HERC5: variants seen among roughly 807,000 people sequenced by gnomAD.
The protein encoded by HERC5 is HECT and RLD domain containing E3 ubiquitin protein ligase 5, also known as E3 ISG15--protein ligase HERC5.
A neutral mutation model predicts 119.6 loss-of-function variants in HERC5; 99 were observed. That is an observed-to-expected ratio of 0.83 (90% CI 0.70 to 0.98). The LOEUF is 0.98. Ranked by LOEUF, HERC5 falls within the 50% of genes least tolerant of loss-of-function variation. HERC5 has a pLI of 0.00. For missense variants in HERC5, 1,267 were observed against 1,241.3 expected (o/e 1.02, Z -0.31); for synonymous variants, 478 against 445.9 (o/e 1.07, Z -0.91).
At chr4:88,484,455 T>G (rs1188639553) in intron 13 of HERC5, among the ~76,000 whole-genome samples, 1 of 152,236 alleles carries the variant, frequency 6.6e-6, no homozygotes, top group Non-Finnish European at 1.5e-5. Flanking sequence ...ACCACCAGTT[T>G]GGTAGTACTT....
intron 6 of HERC5, among the ~76,000 whole-genome samples, chr4:88,466,001 A>G (rs1261934945): frequency 6.6e-6 from 1 of 151,646 alleles, no homozygotes; most frequent in East Asian, 1.9e-4. Context: ...TATTTTGGAG[A>G]CAGGGTACAG....
In HERC5 at chr4:88,459,624, C is replaced by T. The variant is rs189303265; in HGVS notation, c.389+154C>T. On this transcript the variant is annotated intron_variant, in intron 2 of 22. Transcript: ENST00000264350. ...CTGACCAGTAAAGTCCTTATGTCCC[C>T]CAGGGCAGGTATCATGTGTTGTTTT... Among the ~76,000 whole-genome samples, 57 of 152,200 alleles carry T rather than the reference C, an allele frequency of 3.7e-4. 1 individual carries two copies. The highest frequency in any genetic ancestry group is 3.6e-3 in the Admixed American group (55 of 15,288).
intron 22 of HERC5, among the ~76,000 whole-genome samples, chr4:88,505,379 A>G (rs1432656301): frequency 6.6e-6 from 1 of 152,192 alleles, no homozygotes; most frequent in African/African-American, 2.4e-5. Flanking sequence ...TTGACTCAGG[A>G]GGCACTTAAC....
chr4:88,469,528 C>G (rs117571651), intron 9 of HERC5, among the ~76,000 whole-genome samples: 3 of 152,088 alleles, frequency 2.0e-5, no homozygotes, highest in Non-Finnish European at 4.4e-5. Context: ...GTAGGGCAGG[C>G]CAGCAGGCTG....
At chr4:88,475,772 A>G in intron 11 of HERC5, 69 bp from the exon 12 acceptor site, 1 of 1,274,682 alleles carries the variant, frequency 7.8e-7, no homozygotes, top group East Asian at 2.3e-5. Context: ...ACCTTGTTTT[A>G]TTACCATCAG....
At chr4:88,494,431 C>T in intron 18 of HERC5, 100 bp downstream of exon 18, 1 of 972,420 alleles carries the variant, frequency 1.0e-6, no homozygotes, top group Non-Finnish European at 1.5e-6. Context: ...TCAACAGCAG[C>T]ATTTTAGGTA....
chr4:88,500,952 A>T lies in HERC5; in HGVS notation c.2549A>T (p.Asn850Ile), dbSNP rs752283704. 1 of 1,612,382 alleles carries T rather than the reference A, an allele frequency of 6.2e-7. No individual in the cohort carries two copies. Among genetic ancestry groups the T allele is most frequent in the East Asian group, 2.2e-5 (1 of 44,744 alleles). Residue 850 changes from asparagine (N) to isoleucine (I), a missense_variant, in exon 20 of 23, where the codon AAT (asparagine) becomes ATT (isoleucine). This residue lies in a region of HERC5 where 473 missense variants were observed against 445.7 expected (regional missense o/e 1.06). Coordinates refer to ENST00000264350, the MANE Select transcript of HERC5 (RefSeq NM_016323.4). ...WDRNDTNLIP[N>I]GSSITVNQTN... The stretch of plus-strand genomic sequence containing the variant: ...AGAAACGACACAAACTTAATTCCTA[A>T]TGGAAGTAGCATAACTGTCAACCAG...
Position 88,500,897 on chromosome 4 carries a change from G to A in HERC5, c.2512-18G>A. ...GAATTATGTTGGAGATATTATCTGA[G>A]TTCATTTGCGGTTACAGGTGCACTG... On this transcript the variant is annotated intron_variant, in intron 19 of 22. Transcript: ENST00000264350. 1.3e-6 allele frequency: 2 copies of A among 1,588,996 alleles called. No individual in the cohort carries two copies. Among genetic ancestry groups the A allele is most frequent in the Non-Finnish European group, 1.7e-6 (2 of 1,160,980 alleles).
chr4:88,503,726 A>G (rs1742015013), intron 20 of HERC5, among the ~76,000 whole-genome samples: 1 of 152,126 alleles, frequency 6.6e-6, no homozygotes, highest in Admixed American at 6.6e-5. Context: ...GTGTTTTCAC[A>G]TTTAAGTTAT....
intron 12 of HERC5, 75 bp from the exon 13 acceptor site, chr4:88,479,278 C>CT: frequency 8.3e-7 from 1 of 1,203,472 alleles, no homozygotes; most frequent in Non-Finnish European, 1.1e-6. Flanking sequence ...GGGTGAGACT[C>CT]TGTCTCAAAA....
intron 20 of HERC5, among the ~76,000 whole-genome samples, chr4:88,501,984 G>A (rs1378373847): frequency 6.6e-6 from 1 of 152,148 alleles, no homozygotes; most frequent in Non-Finnish European, 1.5e-5. Flanking sequence ...ATTTTTAGTA[G>A]AGACAGGGTT....
chr4:88,466,413 T>C (rs114876930), intron 6 of HERC5, among the ~76,000 whole-genome samples: 4,027 of 152,250 alleles, frequency 0.026, 74 homozygotes, highest in Non-Finnish European at 0.041. Flanking sequence ...TGAGGCATGA[T>C]TGGTTAAATC....
At chr4:88,504,172 C>A (rs1275883596) in intron 20 of HERC5, 60 bp from the exon 21 acceptor site, 5 of 1,072,790 alleles carry the variant, frequency 4.7e-6, no homozygotes, top group Admixed American at 2.1e-5. Flanking sequence ...TATTTTTAGC[C>A]CCTCACCATT....
chr4:88,462,326 T>G lies in HERC5; in HGVS notation c.658T>G (p.Cys220Gly). The G allele has an allele frequency of 6.2e-7, 1 of 1,614,194 alleles. No individual in the cohort carries two copies. Among genetic ancestry groups the G allele is most frequent in the Non-Finnish European group, 8.5e-7 (1 of 1,180,018 alleles). ...CATTTATTCATGGGGAAAAAATGAA[T>G]GTGGACAACTAGGCCTGGGCCACAC... ...GNIYSWGKNE[C>G]GQLGLGHTES... Residue 220 changes from cysteine (C) to glycine (G), a missense_variant, in exon 4 of 23, where the codon TGT becomes GGT. Physicochemically the swap from Cys to Gly is radical, Grantham distance 159 (BLOSUM62 -3). Around this residue, in one of 3 missense-constraint regions of HERC5, gnomAD observed 777 missense variants for 758.0 expected, o/e 1.03. Coordinates refer to ENST00000264350, the MANE Select transcript of HERC5 (RefSeq NM_016323.4).
chr4:88,489,640 G>A (rs908537922), intron 16 of HERC5, among the ~76,000 whole-genome samples: 2 of 152,182 alleles, frequency 1.3e-5, no homozygotes, highest in African/African-American at 4.8e-5. Flanking sequence ...AGCCTGGCTA[G>A]CACCACCCTT....
In HERC5 at chr4:88,463,642, CTT is replaced by C; in HGVS notation, c.780+23_780+24del. The C allele has an allele frequency of 6.3e-7, 1 of 1,592,328 alleles. No homozygotes were observed. The highest frequency in any genetic ancestry group is 8.6e-7 in the Non-Finnish European group (1 of 1,164,452). ...CACACAGGTGGGTGTACCCTTGTCTCTTTTTGGCTGTATTTTTAGAAGAACAG... is the reference window on the plus strand; with the variant it reads ...CACACAGGTGGGTGTACCCTTGTCTCTTTGGCTGTATTTTTAGAAGAACAG... On this transcript the variant is annotated intron_variant, in intron 5 of 22. Transcript: ENST00000264350.
rs1414493496 is a variant in HERC5, at chr4:88,489,192, G to T, written c.1989G>T (p.Arg663Ser). The change falls in exon 16 of 23, where the codon AGG becomes AGT. Residue 663 changes from arginine to serine, a missense_variant. Coordinates refer to ENST00000264350, the MANE Select transcript of HERC5 (RefSeq NM_016323.4). ...GTAAAAAACATAAAGCTTATCTTAGGTCGGCAGCAATTGAGGAAGAAAGAG... is the reference window on the plus strand; with the variant it reads ...GTAAAAAACATAAAGCTTATCTTAGTTCGGCAGCAATTGAGGAAGAAAGAG... ...IESKKHKAYLRSAAIEEERES... is the reference protein window; with the variant it reads ...IESKKHKAYLSSAAIEEERES... 2 of 1,612,672 alleles carry T rather than the reference G, an allele frequency of 1.2e-6. No homozygotes were observed. Among genetic ancestry groups the T allele is most frequent in the Admixed American group, 1.7e-5 (1 of 59,716 alleles).
chr4:88,482,326 G>GAAAA (rs1560607862), intron 13 of HERC5, among the ~76,000 whole-genome samples: 2 of 151,284 alleles, frequency 1.3e-5, no homozygotes, highest in African/African-American at 4.9e-5. Context: ...AAAAAAAAAG[G>GAAAA]GAAAAGAAAA....
intron 8 of HERC5, among the ~76,000 whole-genome samples, chr4:88,468,735 T>C (rs1305456204): frequency 6.6e-6 from 1 of 152,186 alleles, no homozygotes; most frequent in East Asian, 1.9e-4. Flanking sequence ...AAAATGACTT[T>C]GCAGGCCAGT....
Sources: gnomAD v4.1 joint callset for allele counts (sites outside exome capture counted in the v4.1 genomes callset) on GRCh38, gnomAD v4.1.1 for gene constraint, gnomAD v4.1.1 regional missense constraint, MANE v1.5 for transcripts, NCBI Gene and HGNC (gene_info 2026-07-23, HGNC 2026-07-21) for gene names.